Variants in NUF2 observed in about 807,000 individuals in gnomAD.
NUF2 encodes kinetochore protein Nuf2.
Under a neutral mutation model 61.8 loss-of-function variants are expected in NUF2, and 34 were observed. That is an observed-to-expected ratio of 0.55 (90% CI 0.42 to 0.73). The LOEUF is 0.73. Ranked by LOEUF, NUF2 falls within the 30% of genes least tolerant of loss-of-function variation. The probability of loss-of-function intolerance (pLI) is 0.00; values close to 1 mark genes in which losing one functional copy is unlikely to be tolerated. For synonymous variants in NUF2, 172 were observed against 181.6 expected (o/e 0.95, Z 0.42); for missense variants, 445 against 539.1 (o/e 0.83, Z 1.73).
intron 5 of NUF2, among the ~76,000 whole-genome samples, chr1:163,329,948 T>G (rs1650543484): frequency 6.6e-6 from 1 of 152,126 alleles, no homozygotes; most frequent in African/African-American, 2.4e-5. Flanking sequence ...GAAGCCAGTC[T>G]GCAAAGCCTA....
intron 5 of NUF2, among the ~76,000 whole-genome samples, chr1:163,334,850 G>A (rs552848136): frequency 6.6e-6 from 1 of 152,298 alleles, no homozygotes; most frequent in South Asian, 2.1e-4. Flanking sequence ...GATATGAAAA[G>A]TCAACTTTTC....
chr1:163,327,543 G>A lies in NUF2; in HGVS notation c.179G>A (p.Arg60Gln), dbSNP rs767890204. Residue 60 changes from arginine (R) to glutamine (Q), a missense_variant, in exon 3 of 14, where the codon CGA (arginine) becomes CAA (glutamine). Transcript: ENST00000271452. ...GCCTTACAAATAGTATATGGAATTC[G>A]ACTGGAACATTTTTACATGGTGAGT... ...MRALQIVYGI[R>Q]LEHFYMMPVN... The A allele has an allele frequency of 7.5e-6, 12 of 1,609,038 alleles. 1 individual carries two copies. In the South Asian group the frequency reaches 8.8e-5, roughly 12 times the overall value.
At chr1:163,324,023 G>A (rs1571369693) in intron 1 of NUF2, among the ~76,000 whole-genome samples, 1 of 152,144 alleles carries the variant, frequency 6.6e-6, no homozygotes, top group Admixed American at 6.5e-5. Context: ...CTGGAGTGTC[G>A]TGTTCAGTTT....
intron 5 of NUF2, among the ~76,000 whole-genome samples, chr1:163,332,480 G>T (rs6674551): frequency 2.0e-5 from 3 of 151,840 alleles, no homozygotes; most frequent in Non-Finnish European, 4.4e-5. Context: ...TTATTCTCCT[G>T]TAGTTCTAGT....
At chr1:163,335,758 C>G (rs1300797133) in intron 5 of NUF2, among the ~76,000 whole-genome samples, 1 of 152,062 alleles carries the variant, frequency 6.6e-6, no homozygotes, top group Non-Finnish European at 1.5e-5. Context: ...TTGATATTGT[C>G]TCTCAGCTCA....
intron 9 of NUF2, among the ~76,000 whole-genome samples, chr1:163,342,535 C>T (rs1379441571): frequency 1.3e-5 from 2 of 152,004 alleles, no homozygotes; most frequent in African/African-American, 2.4e-5. Flanking sequence ...TCAGTTTTGG[C>T]GTCTGAGTTA....
rs148475750 is a variant in NUF2, at chr1:163,326,152, A to T, written c.101A>T (p.Asn34Ile). Residue 34 changes from asparagine to isoleucine, a missense_variant, in exon 2 of 14, where the codon AAT (asparagine) becomes ATT (isoleucine). Physicochemically the swap from Asn to Ile is moderately radical, Grantham distance 149. Transcript: ENST00000271452. ...TGADGKNLTKNDLYPNPKPEV... is the reference protein window; with the variant it reads ...TGADGKNLTKIDLYPNPKPEV... The stretch of plus-strand genomic sequence containing the variant: ...GCTGATGGTAAAAACCTCACCAAGA[A>T]TGATCTTTATCCAAATCCAAAGGTA... 5 of 1,612,928 alleles carry T rather than the reference A, an allele frequency of 3.1e-6. No homozygotes were observed. The African/African-American group carries it at 5.3e-5, about 17-fold the overall frequency.
At chr1:163,325,078 G>T (rs1650373325) in intron 1 of NUF2, among the ~76,000 whole-genome samples, 1 of 151,848 alleles carries the variant, frequency 6.6e-6, no homozygotes, top group African/African-American at 2.4e-5. Flanking sequence ...TATGTGTTTT[G>T]TAGAGATAGG....
intron 9 of NUF2, among the ~76,000 whole-genome samples, chr1:163,341,399 G>A (rs7540683): frequency 0.23 from 34,755 of 151,646 alleles, 4,769 homozygotes; most frequent in Non-Finnish European, 0.31. Context: ...TAGTAGAGGC[G>A]GGGTTTTACC....
intron 2 of NUF2, 58 bp from the exon 3 acceptor site, chr1:163,327,430 A>T (rs1362870829): frequency 2.3e-6 from 2 of 866,678 alleles, no homozygotes; most frequent in African/African-American, 3.3e-5. Context: ...GGTAATGATG[A>T]TAGTGACATA....
intron 7 of NUF2, among the ~76,000 whole-genome samples, chr1:163,338,543 G>A (rs1650838374): frequency 6.6e-6 from 1 of 151,882 alleles, no homozygotes; most frequent in African/African-American, 2.4e-5. Context: ...GTGATTTCTT[G>A]GCCTTCCTTA....
At chr1:163,328,778 A>C in intron 4 of NUF2, 68 bp from the exon 5 acceptor site, 1 of 950,086 alleles carries the variant, frequency 1.1e-6, no homozygotes, top group Non-Finnish European at 1.7e-6. Context: ...TAAGATGTTT[A>C]TATCCTATAG....
At chr1:163,345,316 T>C (rs1008715791) in intron 10 of NUF2, among the ~76,000 whole-genome samples, 4 of 152,132 alleles carry the variant, frequency 2.6e-5, no homozygotes, top group African/African-American at 9.7e-5. Context: ...TACAAATGAA[T>C]GGGAAGATTA....
At chr1:163,331,773 C>T (rs780243721) in intron 5 of NUF2, among the ~76,000 whole-genome samples, 1 of 151,886 alleles carries the variant, frequency 6.6e-6, no homozygotes, top group South Asian at 2.1e-4. Flanking sequence ...AATTTGTTAA[C>T]ATAAAATTGT....
rs1650502898 is a variant in NUF2 at position 163,328,629 on chromosome 1, C to A, written c.276-217C>A. The A allele has an allele frequency of 2.2e-5, 11 of 503,948 alleles. No individual in the cohort carries two copies. The South Asian group carries it at 3.2e-4, about 15-fold the overall frequency. The allele number at this position is 503,948 out of a possible 1,614,324, so 31.2% of individuals were successfully genotyped here. A position where few individuals can be genotyped will look rare whatever the true frequency, so the allele number is the denominator to read the frequency against. On this transcript the variant is annotated intron_variant, in intron 4 of 13. Transcript: ENST00000271452. ...ATGTACTATTTATTAGAATCTGTAACTATACTTTAGTATTGCATGACTACA... is the reference window on the plus strand; with the variant it reads ...ATGTACTATTTATTAGAATCTGTAAATATACTTTAGTATTGCATGACTACA...
At chr1:163,349,525 C>A (rs1651241875) in intron 13 of NUF2, among the ~76,000 whole-genome samples, 1 of 151,992 alleles carries the variant, frequency 6.6e-6, no homozygotes, top group South Asian at 2.1e-4. Flanking sequence ...ATGCAAAATC[C>A]CTTAGCCTCT....
intron 2 of NUF2, 86 bp downstream of exon 2, chr1:163,326,260 A>G (rs1650414493): frequency 1.6e-6 from 2 of 1,248,528 alleles, no homozygotes; most frequent in Non-Finnish European, 2.2e-6. Flanking sequence ...AGAAAGGGAT[A>G]TGGCCTCCTA....
intron 13 of NUF2, among the ~76,000 whole-genome samples, chr1:163,354,947 A>G (rs1034653323): frequency 6.6e-6 from 1 of 152,072 alleles, no homozygotes; most frequent in African/African-American, 2.4e-5. Context: ...AAATGTTTGC[A>G]TACCTTTTAA....
chr1:163,352,764 G>GCTC (rs1557957834), intron 13 of NUF2, among the ~76,000 whole-genome samples: 1 of 152,166 alleles, frequency 6.6e-6, no homozygotes, highest in Non-Finnish European at 1.5e-5. Flanking sequence ...TACTCAGGAA[G>GCTC]CTGAGGCTGG....
Sources: gnomAD v4.1 joint callset for allele counts (sites outside exome capture counted in the v4.1 genomes callset) on GRCh38, gnomAD v4.1.1 for gene constraint, MANE v1.5 for transcripts, NCBI Gene and HGNC (gene_info 2026-07-23, HGNC 2026-07-21) for gene names.